Variants in CHST6 observed in about 807,000 individuals in gnomAD.
CHST6 encodes carbohydrate sulfotransferase 6, also known as N-acetylglucosamine 6-O-sulfotransferase 5.
For synonymous variants in CHST6, 309 were observed against 276.4 expected, an observed-to-expected ratio of 1.12 and a Z score of -1.17; for missense variants, 698 against 586.2, an observed-to-expected ratio of 1.19 and a Z score of -1.97.
chr16:75,491,143 T>C (rs1443359011), intron 1 of CHST6, among the ~76,000 whole-genome samples: 3 of 107,104 alleles, frequency 2.8e-5, no homozygotes, highest in African/African-American at 1.1e-4. Flanking sequence ...CCAGCTTGGG[T>C]GACAAGAGTG....
At chr16:75,491,041 G>A (rs559608004) in intron 1 of CHST6, among the ~76,000 whole-genome samples, 2 of 150,822 alleles carry the variant, frequency 1.3e-5, no homozygotes, top group East Asian at 3.9e-4. Context: ...AGTGGCTCAC[G>A]CATGTAATCC....
Position 75,478,408 on chromosome 16 carries a change from A to G in CHST6, c.*233T>C. 1.7e-6 allele frequency: 1 copy of G among 574,686 alleles called. No individual in the cohort carries two copies. The highest frequency in any genetic ancestry group is 3.1e-6 in the Non-Finnish European group (1 of 321,540). The allele number at this position is 574,686 out of a possible 1,614,324, so 35.6% of individuals were successfully genotyped here. A position where few individuals can be genotyped will look rare whatever the true frequency, so the allele number is the denominator to read the frequency against. ...CTGTGCCCAGAGGAGGAGGGGCAAGAGTTGCTTTCCATGAAGAGTGCACCT... is the reference window on the plus strand; with the variant it reads ...CTGTGCCCAGAGGAGGAGGGGCAAGGGTTGCTTTCCATGAAGAGTGCACCT... On this transcript the variant is annotated 3_prime_UTR_variant, in exon 3 of 3. Coordinates refer to ENST00000332272, the MANE Select transcript of CHST6 (RefSeq NM_021615.5).
Position 75,475,139 on chromosome 16 carries a change from A to C in CHST6, c.*3502T>G, listed in dbSNP as rs1291461044. 6.5e-6 allele frequency: 1 copy of C among 153,356 alleles called. No individual in the cohort carries two copies. The highest frequency in any genetic ancestry group is 1.5e-5 in the Non-Finnish European group (1 of 68,818). The allele number at this position is 153,356 out of a possible 1,614,324, so 9.5% of individuals were successfully genotyped here. A position where few individuals can be genotyped will look rare whatever the true frequency, so the allele number is the denominator to read the frequency against. ...ACCCATTCACAAGGGCATAACCCGC[A>C]CGGCGTAATTTACTTTCCATCAAGC... On this transcript the variant is annotated 3_prime_UTR_variant, in exon 3 of 3. Transcript: ENST00000332272.
At chr16:75,484,066 G>A (rs539507059) in intron 1 of CHST6, among the ~76,000 whole-genome samples, 10 of 151,928 alleles carry the variant, frequency 6.6e-5, no homozygotes, top group South Asian at 6.3e-4. Flanking sequence ...CCGGGTGTGC[G>A]GTGACTCACG....
At chr16:75,480,689 G>T (rs2080131087) in intron 2 of CHST6, among the ~76,000 whole-genome samples, 1 of 152,068 alleles carries the variant, frequency 6.6e-6, no homozygotes, top group Non-Finnish European at 1.5e-5. Context: ...AGCACTTTGG[G>T]AGGCCGAGGT....
At chr16:75,486,135 C>A (rs1287784381) in intron 1 of CHST6, among the ~76,000 whole-genome samples, 6 of 152,270 alleles carry the variant, frequency 3.9e-5, no homozygotes, top group Non-Finnish European at 7.3e-5. Context: ...CTGACTCCCA[C>A]TGGGAGGCAT....
At chr16:75,493,489 C>A (rs999253680) in intron 1 of CHST6, among the ~76,000 whole-genome samples, 1 of 150,240 alleles carries the variant, frequency 6.7e-6, no homozygotes, top group Admixed American at 6.7e-5. Flanking sequence ...TGCACTCCAG[C>A]CTCGGTGACA....
rs370223621 is a variant in CHST6 at position 75,479,895 on chromosome 16, C to T, written c.-16-51G>A. 30 of 1,477,944 alleles carry T rather than the reference C, an allele frequency of 2.0e-5. No individual in the cohort carries two copies. In the African/African-American group the frequency reaches 3.9e-4, roughly 19 times the overall value. The allele number at this position is 1,477,944 out of a possible 1,614,324, so 91.6% of individuals were successfully genotyped here. A position where few individuals can be genotyped will look rare whatever the true frequency, so the allele number is the denominator to read the frequency against. ...GGGGCTGCAGCCTGCACGCCCATCC[C>T]GTACCCCACTGCCCAGTGCCCGCAG... is the stretch of plus-strand genomic sequence containing the variant. On this transcript the variant is annotated intron_variant, in intron 2 of 2. Coordinates refer to ENST00000332272, the MANE Select transcript of CHST6 (RefSeq NM_021615.5).
intron 1 of CHST6, among the ~76,000 whole-genome samples, chr16:75,493,552 C>T (rs992343380): frequency 6.7e-6 from 1 of 150,088 alleles, no homozygotes; most frequent in African/African-American, 2.5e-5. Context: ...GTGGGGGAAA[C>T]AATATAACCC....
At chr16:75,482,847 G>A (rs192960107) in intron 1 of CHST6, among the ~76,000 whole-genome samples, 110 of 152,242 alleles carry the variant, frequency 7.2e-4, no homozygotes, top group African/African-American at 2.6e-3. Context: ...GGTGGGTGGA[G>A]GATGCCCAGC....
rs920118927 is a variant in CHST6 at position 75,486,523 on chromosome 16, C to G, written c.-91-4632G>C. On this transcript the variant is annotated intron_variant, in intron 1 of 2. Coordinates refer to ENST00000332272, the MANE Select transcript of CHST6 (RefSeq NM_021615.5). ...ATATTCCACACACTGACCCTGCCCC[C>G]CCAGCCCACACAGAACTATTGGCCT... 4.6e-5 allele frequency among the ~76,000 whole-genome samples: 7 copies of G among 152,252 alleles called. No individual in the cohort carries two copies. The East Asian group carries it at 9.6e-4, about 21-fold the overall frequency.
Position 75,473,146 on chromosome 16 carries a change from T to G in CHST6, c.*5495A>C, listed in dbSNP as rs1467388394. ...AAATGACTGAAACACAATAAGCACT[T>G]TTATTGCTCCTAAAGTCTTCGACTT... On this transcript the variant is annotated 3_prime_UTR_variant, in exon 3 of 3. Transcript: ENST00000332272. 1 of 152,264 alleles carries G rather than the reference T, an allele frequency of 6.6e-6. No homozygotes were observed. The highest frequency in any genetic ancestry group is 6.5e-5 in the Admixed American group (1 of 15,276). 9.4% of individuals were successfully genotyped at this position (152,264 alleles called of 1,614,324 possible).
chr16:75,493,703 G>A (rs1165087422), intron 1 of CHST6, among the ~76,000 whole-genome samples: 1 of 152,158 alleles, frequency 6.6e-6, no homozygotes, highest in Non-Finnish European at 1.5e-5. Context: ...CCAAGGGAAA[G>A]TCTTTGAATG....
At chr16:75,488,560 C>G (rs562792334) in intron 1 of CHST6, among the ~76,000 whole-genome samples, 1 of 151,708 alleles carries the variant, frequency 6.6e-6, no homozygotes, top group African/African-American at 2.4e-5. Flanking sequence ...AGAGCTACAA[C>G]TGGGGCCAAA....
intron 1 of CHST6, among the ~76,000 whole-genome samples, chr16:75,492,119 G>A (rs918571635): frequency 1.3e-5 from 2 of 152,236 alleles, no homozygotes; most frequent in Non-Finnish European, 1.5e-5. Context: ...AAAATCTACT[G>A]GGAAATGAAT....
intron 1 of CHST6, among the ~76,000 whole-genome samples, chr16:75,492,235 T>C (rs902816780): frequency 5.3e-5 from 8 of 152,236 alleles, no homozygotes; most frequent in Non-Finnish European, 1.2e-4. Context: ...CCCTTTTCCT[T>C]GGCTGGGAGC....
chr16:75,478,573 C>A lies in CHST6; in HGVS notation c.*68G>T, dbSNP rs968538456. 6.6e-7 allele frequency: 1 copy of A among 1,520,704 alleles called. No homozygotes were observed. Among genetic ancestry groups the A allele is most frequent in the Non-Finnish European group, 9.1e-7 (1 of 1,096,116 alleles). 94.2% of individuals were successfully genotyped at this position (1,520,704 alleles called of 1,614,324 possible). A position where few individuals can be genotyped will look rare whatever the true frequency, so the allele number is the denominator to read the frequency against. ...CAATATAGGGACCTGCTTCTCCGTG[C>A]GCCCCAGCCCCCTCTGCACCATGCA... On this transcript the variant is annotated 3_prime_UTR_variant, in exon 3 of 3. Transcript: ENST00000332272.
chr16:75,479,472 G>T lies in CHST6; in HGVS notation c.357C>A (p.Asp119Glu). ...AYLPWRRNLS[D>E]LFQWAVSRAL... is the part of the protein sequence containing the mutation. Reference sequence around the variant, plus strand: ...CACGGCTCACGGCCCACTGGAAGAGGTCGGACAGGTTGCGGCGCCAAGGCA... The same window carrying T: ...CACGGCTCACGGCCCACTGGAAGAGTTCGGACAGGTTGCGGCGCCAAGGCA... The change falls in exon 3 of 3, where the codon GAC (aspartate) becomes GAA (glutamate). Residue 119 changes from aspartate to glutamate, a missense_variant. Coordinates refer to ENST00000332272, the MANE Select transcript of CHST6 (RefSeq NM_021615.5). 6.2e-7 allele frequency: 1 copy of T among 1,612,948 alleles called. No individual in the cohort carries two copies. The highest frequency in any genetic ancestry group is 8.5e-7 in the Non-Finnish European group (1 of 1,179,878).
chr16:75,482,115 T>C (rs954842068), intron 1 of CHST6, among the ~76,000 whole-genome samples: 1 of 152,158 alleles, frequency 6.6e-6, no homozygotes, highest in African/African-American at 2.4e-5. Context: ...TGTGCTGAGC[T>C]ACTGTTTGGA....
Sources: allele counts gnomAD v4.1 joint callset (sites outside exome capture counted in the v4.1 genomes callset), GRCh38; gene constraint gnomAD v4.1.1; transcripts MANE v1.5; gene names NCBI Gene and HGNC (gene_info 2026-07-23, HGNC 2026-07-21).